ABI3BP: variants seen among roughly 807,000 people sequenced by gnomAD.
ABI3BP encodes ABI family member 3 binding protein, also known as target of Nesh-SH3.
A neutral mutation model predicts 268.6 loss-of-function variants in ABI3BP; 216 were observed. The observed-to-expected ratio is 0.80, with a 90% confidence interval of 0.72 to 0.90. ABI3BP has a LOEUF of 0.90. Ranked by LOEUF, ABI3BP falls within the 40% of genes least tolerant of loss-of-function variation. The pLI, the probability that ABI3BP is intolerant of heterozygous loss-of-function variation, is 0.00. For missense variants in ABI3BP, 2,090 were observed against 2,182.4 expected, an observed-to-expected ratio of 0.96 and a Z score of 0.84; for synonymous variants, 730 against 730.0, an observed-to-expected ratio of 1.00 and a Z score of 0.00.
At chr3:100,755,958 G>T (rs1256407806) in intron 63 of ABI3BP, among the ~76,000 whole-genome samples, 1 of 151,820 alleles carries the variant, frequency 6.6e-6, no homozygotes, top group African/African-American at 2.4e-5. Flanking sequence ...GTTTGGTACG[G>T]ATGGTACTAA....
At chr3:100,857,014 T>C (rs1445242889) in intron 14 of ABI3BP, among the ~76,000 whole-genome samples, 1 of 149,988 alleles carries the variant, frequency 6.7e-6, no homozygotes, top group Non-Finnish European at 1.5e-5. Flanking sequence ...ATCCTTGCTG[T>C]AGGGGTAATA....
chr3:100,913,630 T>C (rs1021563865), intron 2 of ABI3BP, among the ~76,000 whole-genome samples: 1 of 152,202 alleles, frequency 6.6e-6, no homozygotes, highest in African/African-American at 2.4e-5. Flanking sequence ...GTAGCATAAG[T>C]AGCATAAGTA....
At chr3:100,950,806 T>G (rs2074629967) in intron 1 of ABI3BP, among the ~76,000 whole-genome samples, 1 of 151,960 alleles carries the variant, frequency 6.6e-6, no homozygotes, top group Non-Finnish European at 1.5e-5. Context: ...AATCATCATA[T>G]GCATGTACTT....
chr3:100,942,485 T>G (rs777065372), intron 1 of ABI3BP, among the ~76,000 whole-genome samples: 5 of 152,118 alleles, frequency 3.3e-5, no homozygotes, highest in Non-Finnish European at 7.4e-5. Flanking sequence ...TCTTAGTCAT[T>G]ATTGTTTTTT....
At position 100,902,809 on chromosome 3, in the gene ABI3BP, G is replaced by C. The variant is rs190858051; in HGVS notation, c.260-123C>G. 7.0e-6 allele frequency: 5 copies of C among 712,988 alleles called. No individual in the cohort carries two copies. In the East Asian group the frequency reaches 1.4e-4, roughly 19 times the overall value. The allele number at this position is 712,988 out of a possible 1,614,324, so 44.2% of individuals were successfully genotyped here. On this transcript the variant is annotated intron_variant, in intron 2 of 67. Coordinates refer to ENST00000471714, the MANE Select transcript of ABI3BP (RefSeq NM_001375547.2). Reference sequence around the variant, plus strand: ...CCATAACCGCAGCTCCAGGGAGTGAGAGGACCCAATAATCCGAAAAGTTGA... The same window carrying C: ...CCATAACCGCAGCTCCAGGGAGTGACAGGACCCAATAATCCGAAAAGTTGA...
At chr3:100,902,470 CA>C in intron 3 of ABI3BP, 147 bp downstream of exon 3, 2 of 641,854 alleles carry the variant, frequency 3.1e-6, no homozygotes, top group South Asian at 2.5e-5. Context: ...GTTACTTCTC[CA>C]AAAGGGTAAA....
chr3:100,933,275 CATA>C (rs1317299069), intron 1 of ABI3BP, among the ~76,000 whole-genome samples: 7 of 151,796 alleles, frequency 4.6e-5, no homozygotes. Context: ...TATTAATTGC[CATA>C]AGATACTAAG....
intron 61 of ABI3BP, among the ~76,000 whole-genome samples, 180 bp from the exon 62 acceptor site, chr3:100,771,132 T>C (rs1398008545): frequency 2.0e-5 from 3 of 152,212 alleles, no homozygotes; most frequent in Admixed American, 6.5e-5. Flanking sequence ...ATACGTGATA[T>C]AGGGTGGTGT....
intron 28 of ABI3BP, among the ~76,000 whole-genome samples, 154 bp from the exon 29 acceptor site, chr3:100,834,927 T>G (rs1267817167): frequency 1.3e-5 from 2 of 152,184 alleles, no homozygotes; most frequent in Non-Finnish European, 2.9e-5. Context: ...TGCAAAAATA[T>G]GTATTTTTGG....
At chr3:100,976,644 A>G (rs1344899080) in intron 1 of ABI3BP, among the ~76,000 whole-genome samples, 1 of 152,188 alleles carries the variant, frequency 6.6e-6, no homozygotes, top group Non-Finnish European at 1.5e-5. Context: ...CCTACCCTGG[A>G]GATACAATTA....
At chr3:100,967,274 G>C (rs967269536) in intron 1 of ABI3BP, among the ~76,000 whole-genome samples, 1 of 152,044 alleles carries the variant, frequency 6.6e-6, no homozygotes, top group African/African-American at 2.4e-5. Context: ...GGCTGAGGCG[G>C]GTGGATCACT....
chr3:100,931,137 A>C (rs2063497337), intron 1 of ABI3BP: 1 of 152,172 alleles, frequency 6.6e-6, no homozygotes, highest in African/African-American at 2.4e-5. Flanking sequence ...GATAAAATTC[A>C]ACATCCTTCC....
intron 44 of ABI3BP, among the ~76,000 whole-genome samples, chr3:100,814,379 C>T (rs2097951665): frequency 6.6e-6 from 1 of 152,004 alleles, no homozygotes; most frequent in African/African-American, 2.4e-5. Flanking sequence ...ATTTTAGTTT[C>T]ACCATCCCCT....
intron 14 of ABI3BP, among the ~76,000 whole-genome samples, chr3:100,852,234 A>T (rs1338239157): frequency 2.0e-5 from 3 of 152,196 alleles, no homozygotes; most frequent in African/African-American, 7.2e-5. Flanking sequence ...GCCAGCTGTA[A>T]ATCAAAGAGC....
chr3:100,791,051 A>G (rs1220615119), intron 55 of ABI3BP, among the ~76,000 whole-genome samples: 1 of 151,888 alleles, frequency 6.6e-6, no homozygotes, highest in African/African-American at 2.4e-5. Flanking sequence ...CATATAGCTC[A>G]TCACCAAACA....
chr3:100,791,623 A>G (rs112466781), intron 55 of ABI3BP, among the ~76,000 whole-genome samples: 25 of 152,016 alleles, frequency 1.6e-4, no homozygotes, highest in Admixed American at 1.4e-3. Context: ...AGGGCTGTCA[A>G]TATGTTATAC....
intron 25 of ABI3BP, 49 bp from the exon 26 acceptor site, chr3:100,838,333 T>C: frequency 6.5e-7 from 1 of 1,528,830 alleles, no homozygotes; most frequent in Non-Finnish European, 8.8e-7. Flanking sequence ...GAGCTGTGAA[T>C]GTGGAGATTA....
chr3:100,862,301 A>T lies in ABI3BP; in HGVS notation c.1285+10T>A. 1 of 1,574,072 alleles carries T rather than the reference A, an allele frequency of 6.4e-7. No homozygotes were observed. Among genetic ancestry groups the T allele is most frequent in the Non-Finnish European group, 8.6e-7 (1 of 1,158,628 alleles). ...TATAATCGATTTTTTTAAGAAAAGG[A>T]TTTAATTACCAGTTTGAGGCTGCAG... On this transcript the variant is annotated intron_variant, in intron 14 of 67. Coordinates refer to ENST00000471714, the MANE Select transcript of ABI3BP (RefSeq NM_001375547.2).
At position 100,818,514 on chromosome 3, in the gene ABI3BP, A is replaced by G. The variant is rs557274431; in HGVS notation, c.3088+11T>C. On this transcript the variant is annotated intron_variant, in intron 41 of 67. Transcript: ENST00000471714. ...GAAAAGCACTATTTGAAGGACACAC[A>G]TTCTCATTACCCATGGTTTTTGGAG... 1 of 1,532,560 alleles carries G rather than the reference A, an allele frequency of 6.5e-7. No individual in the cohort carries two copies. The highest frequency in any genetic ancestry group is 8.7e-7 in the Non-Finnish European group (1 of 1,143,746). 94.9% of individuals were successfully genotyped at this position (1,532,560 alleles called of 1,614,324 possible). A position where few individuals can be genotyped will look rare whatever the true frequency, so the allele number is the denominator to read the frequency against.
Sources: gnomAD v4.1 joint callset for allele counts (sites outside exome capture counted in the v4.1 genomes callset) on GRCh38, gnomAD v4.1.1 for gene constraint, MANE v1.5 for transcripts, NCBI Gene and HGNC (gene_info 2026-07-23, HGNC 2026-07-21) for gene names.